Variants in PFKFB3 observed in about 807,000 individuals in gnomAD.
PFKFB3 encodes the protein 6-phosphofructo-2-kinase/fructose-2,6-biphosphatase 3, also known as 6-phosphofructo-2-kinase/fructose-2,6-bisphosphatase 3.
In PFKFB3, 33 loss-of-function variants were observed where a neutral mutation model predicts 68.0. The ratio of observed to expected loss-of-function variants is 0.49; its 90% CI spans 0.37 to 0.65. PFKFB3 has a LOEUF of 0.65. PFKFB3 is among the 30% of genes least tolerant of loss of function. The pLI is 0.00. For synonymous variants in PFKFB3, 315 were observed against 288.2 expected, an observed-to-expected ratio of 1.09 and a Z score of -0.94; for missense variants, 586 against 712.2, an observed-to-expected ratio of 0.82 and a Z score of 2.02.
chr10:6,264,100 C>T, the PFKFB3 span, among the ~76,000 whole-genome samples: 7 of 152,328 alleles, frequency 4.6e-5, no homozygotes, highest in East Asian at 7.7e-4. Context: ...TTCCCCATAT[C>T]GAATTGACTT....
At chr10:6,159,407 CA>C (rs970393931) in intron 1 of PFKFB3, among the ~76,000 whole-genome samples, 8 of 145,882 alleles carry the variant, frequency 5.5e-5, no homozygotes, top group Admixed American at 5.3e-4. Context: ...TTAAAAAAAA[CA>C]AAAAAAAGCA....
the PFKFB3 span, among the ~76,000 whole-genome samples, chr10:6,264,301 T>G: frequency 6.6e-6 from 1 of 152,250 alleles, no homozygotes; most frequent in Admixed American, 6.5e-5. Context: ...CTGTTCTTAT[T>G]CAAGATTGTC....
At chr10:6,275,822 G>A in the PFKFB3 span, among the ~76,000 whole-genome samples, 2 of 142,570 alleles carry the variant, frequency 1.4e-5, no homozygotes, top group African/African-American at 5.2e-5. This position sits in a 1 kb window ranked among gnomAD's most constrained non-coding sequence, Gnocchi z 4.9. Flanking sequence ...CATCAAGAAT[G>A]AAACATTTTT....
At chr10:6,166,299 G>C (rs1241108518) in intron 1 of PFKFB3, among the ~76,000 whole-genome samples, 3 of 151,780 alleles carry the variant, frequency 2.0e-5, no homozygotes, top group South Asian at 4.2e-4. Flanking sequence ...CGTCATTTTG[G>C]CCAGGTTGGT....
At chr10:6,325,211 C>G in the PFKFB3 span, among the ~76,000 whole-genome samples, 2,541 of 152,204 alleles carry the variant, frequency 0.017, 68 homozygotes, top group African/African-American at 0.058. Flanking sequence ...CAATCTGTCT[C>G]CCTTGGCCTC....
At chr10:6,320,518 C>T in the PFKFB3 span, among the ~76,000 whole-genome samples, 1 of 151,722 alleles carries the variant, frequency 6.6e-6, no homozygotes, top group Non-Finnish European at 1.5e-5. Flanking sequence ...GTGGCACGGT[C>T]ACGACTCACT....
At position 6,220,033 on chromosome 10, in the gene PFKFB3, C is replaced by T. The variant is rs189694064; in HGVS notation, c.623+340C>T. Reference sequence around the variant, plus strand: ...GTTGAGCCTGATTTTGCTACTGTCCCTCCGATAGTTCCTTTCTTTTTTCTT... The same window carrying T: ...GTTGAGCCTGATTTTGCTACTGTCCTTCCGATAGTTCCTTTCTTTTTTCTT... On this transcript the variant is annotated intron_variant, in intron 7 of 14. Transcript: ENST00000379775. The surrounding 1 kb of genome is among the most constrained non-coding windows in gnomAD (Gnocchi z 4.1). Among the ~76,000 whole-genome samples, 40 of 152,272 alleles carry T rather than the reference C, an allele frequency of 2.6e-4. No individual in the cohort carries two copies. Among genetic ancestry groups the T allele is most frequent in the African/African-American group, 9.6e-4 (40 of 41,544 alleles).
intron 1 of PFKFB3, among the ~76,000 whole-genome samples, chr10:6,179,262 T>C (rs1842631839): frequency 6.6e-6 from 1 of 152,208 alleles, no homozygotes; most frequent in African/African-American, 2.4e-5. Context: ...AATTTGAACC[T>C]GGCAGTCTGG....
chr10:6,293,737 G>A, the PFKFB3 span: 329,055 of 333,822 alleles, frequency 0.99, 162,369 homozygotes, highest in East Asian at 1. Context: ...ATGAATGGAC[G>A]TAGAAATCTT....
intron 14 of PFKFB3, among the ~76,000 whole-genome samples, chr10:6,242,403 C>T (rs926522976): frequency 2.6e-5 from 4 of 152,178 alleles, no homozygotes; most frequent in Non-Finnish European, 4.4e-5. Context: ...CGGGCCTGGC[C>T]AGGGTACACC....
At chr10:6,255,930 G>A (rs996643014), downstream of PFKFB3, among the ~76,000 whole-genome samples, 8 of 152,164 alleles carry the variant, frequency 5.3e-5, no homozygotes, top group East Asian at 1.9e-4. Context: ...ACATTCACCC[G>A]GTTCCTCCTG....
intron 1 of PFKFB3, among the ~76,000 whole-genome samples, chr10:6,195,039 A>C (rs1843139823): frequency 6.6e-6 from 1 of 151,720 alleles, no homozygotes; most frequent in African/African-American, 2.4e-5. Flanking sequence ...TACCTGGCTA[A>C]TTTTTGTATT....
chr10:6,326,507 C>T, the PFKFB3 span: 17 of 454,292 alleles, frequency 3.7e-5, no homozygotes, highest in Middle Eastern at 3.2e-4. Flanking sequence ...AAAAACTGCA[C>T]ATTTGGAACT....
At chr10:6,264,647 G>C in the PFKFB3 span, among the ~76,000 whole-genome samples, 2 of 152,106 alleles carry the variant, frequency 1.3e-5, no homozygotes, top group Non-Finnish European at 2.9e-5. Context: ...GAAACCCCTT[G>C]TTCCCTTTAC....
At chr10:6,196,633 G>A (rs964530943) in intron 1 of PFKFB3, among the ~76,000 whole-genome samples, 1 of 152,212 alleles carries the variant, frequency 6.6e-6, no homozygotes, top group Non-Finnish European at 1.5e-5. Context: ...AGCCAGTCTA[G>A]TCTTTCCACG....
At chr10:6,314,786 C>T in the PFKFB3 span, among the ~76,000 whole-genome samples, 2 of 152,146 alleles carry the variant, frequency 1.3e-5, no homozygotes, top group South Asian at 2.1e-4. Context: ...GACAGCCTGA[C>T]GGGAAGGGCT....
At chr10:6,182,634 C>T (rs538418035) in intron 1 of PFKFB3, among the ~76,000 whole-genome samples, 8 of 152,324 alleles carry the variant, frequency 5.3e-5, no homozygotes, top group East Asian at 1.9e-4. Flanking sequence ...TCGAGGCCCC[C>T]GCCTGTCATT....
At chr10:6,174,564 C>T (rs915872790) in intron 1 of PFKFB3, among the ~76,000 whole-genome samples, 1 of 152,098 alleles carries the variant, frequency 6.6e-6, no homozygotes, top group Non-Finnish European at 1.5e-5. Context: ...GCTCGCTTGT[C>T]AGGCGTGTTT....
chr10:6,323,975 C>G, the PFKFB3 span, among the ~76,000 whole-genome samples: 9 of 152,088 alleles, frequency 5.9e-5, no homozygotes, highest in African/African-American at 2.2e-4. Flanking sequence ...ATCACAAGAG[C>G]CAAAAGGTAG....
Sources: gnomAD v4.1 joint callset for allele counts (sites outside exome capture counted in the v4.1 genomes callset) on GRCh38, gnomAD v4.1.1 for gene constraint, Gnocchi (gnomAD v3.1) non-coding constraint, MANE v1.5 for transcripts, NCBI Gene and HGNC (gene_info 2026-07-23, HGNC 2026-07-21) for gene names.